Variants in ACSS3 observed in about 807,000 individuals in gnomAD.
The protein encoded by ACSS3 is acyl-CoA synthetase short-chain family member 3, mitochondrial.
Under a neutral mutation model 84.2 loss-of-function variants are expected in ACSS3, and 64 were observed. The observed-to-expected ratio is 0.76, with a 90% CI of 0.62 to 0.94. The LOEUF (loss-of-function observed/expected upper bound fraction) is 0.94, where lower values mean the gene tolerates loss of function less well. Among genes scored for constraint, ACSS3 ranks in the 40% least tolerant of loss-of-function variants. The pLI is 0.00. For synonymous variants in ACSS3, 317 were observed against 310.1 expected (o/e 1.02, Z -0.23); for missense variants, 815 against 867.6 (o/e 0.94, Z 0.76).
At chr12:81,130,925 A>G (rs900192472) in intron 2 of ACSS3, among the ~76,000 whole-genome samples, 1 of 152,130 alleles carries the variant, frequency 6.6e-6, no homozygotes. Flanking sequence ...TTTGTCAAAG[A>G]TTGGATGGTT....
intron 11 of ACSS3, 46 bp downstream of exon 11, chr12:81,220,122 T>C: frequency 1.6e-6 from 2 of 1,246,784 alleles, no homozygotes; most frequent in Non-Finnish European, 2.2e-6. Flanking sequence ...CAAAAACTGG[T>C]GTATATACTA....
intron 8 of ACSS3, among the ~76,000 whole-genome samples, chr12:81,184,728 G>T (rs1464006538): frequency 6.6e-6 from 1 of 151,612 alleles, no homozygotes; most frequent in Non-Finnish European, 1.5e-5. Context: ...CAATTAAAGT[G>T]ATTTGAGAAG....
At chr12:81,215,351 C>G (rs1444775125) in intron 9 of ACSS3, among the ~76,000 whole-genome samples, 1 of 152,116 alleles carries the variant, frequency 6.6e-6, no homozygotes, top group African/African-American at 2.4e-5. Flanking sequence ...TATGGCTTAG[C>G]ATCTTGAGCA....
intron 5 of ACSS3, among the ~76,000 whole-genome samples, chr12:81,146,297 C>G (rs1266397469): frequency 6.6e-6 from 1 of 152,092 alleles, no homozygotes; most frequent in African/African-American, 2.4e-5. Flanking sequence ...TTTCATTTTT[C>G]ATAGGTATAA....
intron 9 of ACSS3, among the ~76,000 whole-genome samples, chr12:81,214,417 T>C (rs2032822135): frequency 6.6e-6 from 1 of 152,238 alleles, no homozygotes; most frequent in Non-Finnish European, 1.5e-5. Flanking sequence ...TATAAACATA[T>C]ATTATCTACT....
At chr12:81,149,813 A>G (rs1011281026) in intron 5 of ACSS3, among the ~76,000 whole-genome samples, 5 of 152,184 alleles carry the variant, frequency 3.3e-5, no homozygotes, top group East Asian at 1.9e-4. Flanking sequence ...AGCACAGGGT[A>G]AAATAAAAAG....
chr12:81,252,466 T>G (rs1263041980), intron 13 of ACSS3, among the ~76,000 whole-genome samples: 1 of 152,022 alleles, frequency 6.6e-6, no homozygotes, highest in Non-Finnish European at 1.5e-5. Context: ...GTGCTGTTGG[T>G]TAAAAGTTTG....
At chr12:81,220,515 GT>G (rs1186490976) in intron 11 of ACSS3, among the ~76,000 whole-genome samples, 1 of 151,866 alleles carries the variant, frequency 6.6e-6, no homozygotes, top group Non-Finnish European at 1.5e-5. Context: ...TAATCCTAGG[GT>G]TTGGGCTTCT....
At chr12:81,174,527 T>G (rs2030324242) in intron 7 of ACSS3, 2 of 313,418 alleles carry the variant, frequency 6.4e-6, no homozygotes, top group Non-Finnish European at 1.2e-5. Flanking sequence ...TATGTATTTT[T>G]AATTCTTTAT....
intron 5 of ACSS3, among the ~76,000 whole-genome samples, chr12:81,146,653 C>A (rs772816651): frequency 1.3e-5 from 2 of 152,130 alleles, no homozygotes; most frequent in Non-Finnish European, 2.9e-5. Flanking sequence ...TGTAAATATT[C>A]CAGCAACCAC....
At chr12:81,176,897 C>T (rs1003869424) in intron 8 of ACSS3, among the ~76,000 whole-genome samples, 3 of 152,106 alleles carry the variant, frequency 2.0e-5, no homozygotes, top group Non-Finnish European at 2.9e-5. Context: ...TCCTAATGAA[C>T]ATAGATGCAA....
intron 13 of ACSS3, among the ~76,000 whole-genome samples, chr12:81,247,450 A>C (rs1425249259): frequency 6.6e-6 from 1 of 152,126 alleles, no homozygotes. Flanking sequence ...GGCAGAAAAT[A>C]GGCAGTTAAA....
intron 1 of ACSS3, among the ~76,000 whole-genome samples, chr12:81,087,921 G>A (rs895193562): frequency 2.6e-5 from 4 of 152,094 alleles, no homozygotes; most frequent in African/African-American, 9.7e-5. Context: ...TCTACTCTTT[G>A]AACAGTATCT....
chr12:81,181,439 C>A (rs1231981954), intron 8 of ACSS3, among the ~76,000 whole-genome samples: 3 of 152,020 alleles, frequency 2.0e-5, no homozygotes, highest in African/African-American at 7.3e-5. Flanking sequence ...GGAGACTGTA[C>A]CAGAAGATGC....
chr12:81,081,017 G>T (rs1358077046), intron 1 of ACSS3, among the ~76,000 whole-genome samples: 1 of 152,190 alleles, frequency 6.6e-6, no homozygotes, highest in Non-Finnish European at 1.5e-5. Flanking sequence ...TCTCTCCTCT[G>T]TGGAGCTGGC....
At chr12:81,178,063 C>T (rs1275802038) in intron 8 of ACSS3, among the ~76,000 whole-genome samples, 3 of 152,014 alleles carry the variant, frequency 2.0e-5, no homozygotes, top group Non-Finnish European at 2.9e-5. Flanking sequence ...TGGAACCAAC[C>T]CAAATGTCCA....
chr12:81,078,989 G>C (rs986614703), intron 1 of ACSS3, among the ~76,000 whole-genome samples: 3 of 152,188 alleles, frequency 2.0e-5, no homozygotes, highest in South Asian at 4.1e-4. Context: ...GATTGTGTTG[G>C]CTGGAGAGGT....
intron 13 of ACSS3, among the ~76,000 whole-genome samples, chr12:81,243,849 T>C (rs1267738163): frequency 1.3e-5 from 2 of 152,152 alleles, no homozygotes; most frequent in Non-Finnish European, 2.9e-5. Flanking sequence ...CTATTATTAT[T>C]TTGAACAAAC....
intron 8 of ACSS3, among the ~76,000 whole-genome samples, chr12:81,196,403 T>C (rs908493751): frequency 6.6e-5 from 10 of 152,218 alleles, no homozygotes; most frequent in African/African-American, 2.4e-4. Flanking sequence ...TTATATTCAT[T>C]GCATGTTGAA....
Sources: gnomAD v4.1 joint callset for allele counts (sites outside exome capture counted in the v4.1 genomes callset) on GRCh38, gnomAD v4.1.1 for gene constraint, MANE v1.5 for transcripts, NCBI Gene and HGNC (gene_info 2026-07-23, HGNC 2026-07-21) for gene names.